ZGRF1: variants seen among roughly 807,000 people sequenced by gnomAD.
The protein encoded by ZGRF1 is 5'-3' DNA helicase ZGRF1.
Under a neutral mutation model 203.5 loss-of-function variants are expected in ZGRF1, and 196 were observed. The observed-to-expected ratio is 0.96, with a 90% confidence interval of 0.86 to 1.08. The LOEUF is 1.08. ZGRF1 is among the 50% of genes least tolerant of loss of function. ZGRF1 has a pLI of 0.00. For synonymous variants in ZGRF1, 809 were observed against 841.3 expected (o/e 0.96, Z 0.66); for missense variants, 2,326 against 2,416.3 (o/e 0.96, Z 0.78).
chr4:112,591,859 A>T (rs908769595), intron 10 of ZGRF1, among the ~76,000 whole-genome samples: 2 of 152,058 alleles, frequency 1.3e-5, no homozygotes, highest in African/African-American at 4.8e-5. Context: ...AGCACTTAAG[A>T]CACTCTGAGG....
intron 10 of ZGRF1, among the ~76,000 whole-genome samples, chr4:112,601,077 T>C (rs866400600): frequency 2.1e-5 from 3 of 145,638 alleles, no homozygotes; most frequent in Admixed American, 7.0e-5. Flanking sequence ...CACTCCAGCC[T>C]GGGCAACAGA....
chr4:112,585,706 C>T lies in ZGRF1; in HGVS notation c.3936G>A (p.Leu1312=). The change falls in exon 14 of 28, where the codon CTG becomes CTA. Residue 1312 remains leucine (L), a synonymous_variant. Coordinates refer to ENST00000505019, the MANE Select transcript of ZGRF1 (RefSeq NM_018392.5). The part of the protein sequence containing the change: ...SCLIEHLNIL[L]FGLAQNLQKA... ...TCTGCAGGTTTTGTGCTAACCCAAA[C>T]AGCAATATATTTAGATGTTCTACAA... The T allele has an allele frequency of 6.7e-7, 1 of 1,484,276 alleles. No individual in the cohort carries two copies. Among genetic ancestry groups the T allele is most frequent in the Admixed American group, 2.2e-5 (1 of 45,428 alleles). 91.9% of individuals were successfully genotyped at this position (1,484,276 alleles called of 1,614,324 possible). A position where few individuals can be genotyped will look rare whatever the true frequency, so the allele number is the denominator to read the frequency against.
intron 10 of ZGRF1, among the ~76,000 whole-genome samples, chr4:112,594,439 T>A (rs1748659924): frequency 6.6e-6 from 1 of 151,896 alleles, no homozygotes; most frequent in African/African-American, 2.4e-5. Flanking sequence ...TTAAGTTTTT[T>A]GTTTTCGGTT....
intron 10 of ZGRF1, among the ~76,000 whole-genome samples, chr4:112,593,900 ACT>A (rs1472205173): frequency 6.6e-6 from 1 of 151,168 alleles, no homozygotes; most frequent in Non-Finnish European, 1.5e-5. Context: ...AGTAGCTGGC[ACT>A]ACAGTTGTGT....
intron 16 of ZGRF1, 72 bp from the exon 17 acceptor site, chr4:112,563,346 A>T (rs1307805875): frequency 1.8e-6 from 2 of 1,115,234 alleles, no homozygotes; most frequent in Admixed American, 4.8e-5. Flanking sequence ...GAAATTATAT[A>T]TATTTGCATA....
intron 20 of ZGRF1, 90 bp from the exon 21 acceptor site, chr4:112,554,872 G>A (rs1478452594): frequency 1.3e-5 from 8 of 627,614 alleles, no homozygotes; most frequent in Non-Finnish European, 1.9e-5. Context: ...CTAATTTTGT[G>A]TAACAGTATA....
chr4:112,616,782 A>G (rs1366280535), intron 6 of ZGRF1, among the ~76,000 whole-genome samples: 5 of 151,618 alleles, frequency 3.3e-5, no homozygotes, highest in Non-Finnish European at 4.4e-5. Flanking sequence ...GGTTGCAGTG[A>G]GCCGAGATCG....
At chr4:112,597,402 T>TA (rs1395464122) in intron 10 of ZGRF1, among the ~76,000 whole-genome samples, 1 of 151,812 alleles carries the variant, frequency 6.6e-6, no homozygotes, top group Non-Finnish European at 1.5e-5. Context: ...TGTGCATCTG[T>TA]AATCCCAGCT....
chr4:112,567,042 C>T (rs1743238123), intron 16 of ZGRF1, among the ~76,000 whole-genome samples: 1 of 152,080 alleles, frequency 6.6e-6, no homozygotes, highest in Admixed American at 6.5e-5. Flanking sequence ...GTCTCCACCT[C>T]ACCTCCAAAC....
intron 10 of ZGRF1, among the ~76,000 whole-genome samples, chr4:112,601,645 G>T (rs553181107): frequency 6.6e-6 from 1 of 152,068 alleles, no homozygotes; most frequent in Non-Finnish European, 1.5e-5. Flanking sequence ...GTCTGAGGCA[G>T]GAGGATTGCT....
chr4:112,570,430 A>T (rs1743992526), intron 16 of ZGRF1, among the ~76,000 whole-genome samples: 1 of 152,012 alleles, frequency 6.6e-6, no homozygotes, highest in Non-Finnish European at 1.5e-5. Context: ...CTCTACTAAA[A>T]ATAGAAAATT....
Position 112,617,509 on chromosome 4 carries a change from A to G in ZGRF1, c.2533T>C (p.Leu845=), listed in dbSNP as rs373007985. ...HSTALDSLEI[L]KKKNTVFQQG... is the part of the protein sequence containing the mutation. ...TGAAAGACAGTATTTTTCTTTTTCAATATTTCCAAGCTGTCTAAAGCAGTA... is the reference window on the plus strand; with the variant it reads ...TGAAAGACAGTATTTTTCTTTTTCAGTATTTCCAAGCTGTCTAAAGCAGTA... The change falls in exon 6 of 28, where the codon TTG becomes CTG. Residue 845 remains leucine (L), a synonymous_variant. Transcript: ENST00000505019. The G allele has an allele frequency of 3.7e-5, 60 of 1,600,388 alleles. No homozygotes were observed. The highest frequency in any genetic ancestry group is 4.3e-5 in the Non-Finnish European group (51 of 1,176,168).
intron 10 of ZGRF1, among the ~76,000 whole-genome samples, chr4:112,592,093 A>ATTT (rs1461328165): frequency 1.4e-5 from 2 of 141,998 alleles, no homozygotes. Flanking sequence ...CCTCTCATTC[A>ATTT]TTCTTTTTTT....
At chr4:112,605,349 C>T (rs936465892) in intron 9 of ZGRF1, among the ~76,000 whole-genome samples, 3 of 152,022 alleles carry the variant, frequency 2.0e-5, no homozygotes, top group African/African-American at 7.2e-5. Flanking sequence ...TTAGTAGAAA[C>T]GGGGTTTTGC....
At chr4:112,631,779 A>T in intron 3 of ZGRF1, 151 bp downstream of exon 3, 1 of 454,688 alleles carries the variant, frequency 2.2e-6, no homozygotes, top group Non-Finnish European at 3.9e-6. Flanking sequence ...CAAATTAACC[A>T]CTGTGATATG....
rs756071453 is a variant in ZGRF1, at chr4:112,585,742, A to AG, written c.3917-18_3917-17insC. ...TTAGATGTTCTACAAAAAAAAAAAAAAGAGAGCAGAAAATTAAATACAAAA... is the reference window on the plus strand; with the variant it reads ...TTAGATGTTCTACAAAAAAAAAAAAAGAGAGAGCAGAAAATTAAATACAAAA... On this transcript the variant is annotated splice_polypyrimidine_tract_variant and intron_variant, in intron 13 of 27. Coordinates refer to ENST00000505019, the MANE Select transcript of ZGRF1 (RefSeq NM_018392.5). 3.4e-5 allele frequency: 51 copies of AG among 1,497,532 alleles called. No homozygotes were observed. In the East Asian group the frequency reaches 6.5e-4, roughly 19 times the overall value. 92.8% of individuals were successfully genotyped at this position (1,497,532 alleles called of 1,614,324 possible). A position where few individuals can be genotyped will look rare whatever the true frequency, so the allele number is the denominator to read the frequency against.
chr4:112,553,037 T>G (rs1740248708), intron 22 of ZGRF1, among the ~76,000 whole-genome samples: 1 of 152,256 alleles, frequency 6.6e-6, no homozygotes, highest in Non-Finnish European at 1.5e-5. Flanking sequence ...AGCTGTTGTC[T>G]TAAAGTACTG....
intron 16 of ZGRF1, among the ~76,000 whole-genome samples, chr4:112,576,245 C>T (rs1328634493): frequency 6.6e-6 from 1 of 152,178 alleles, no homozygotes; most frequent in Admixed American, 6.5e-5. Context: ...AATTAACAAA[C>T]AGAAAGGACA....
chr4:112,615,821 G>A (rs2046848410), intron 6 of ZGRF1, among the ~76,000 whole-genome samples: 1 of 151,142 alleles, frequency 6.6e-6, no homozygotes, highest in Non-Finnish European at 1.5e-5. Context: ...TTTTAGTAGA[G>A]ACAGGGTTTC....
Sources: gnomAD v4.1 joint callset for allele counts (sites outside exome capture counted in the v4.1 genomes callset) on GRCh38, gnomAD v4.1.1 for gene constraint, MANE v1.5 for transcripts, NCBI Gene and HGNC (gene_info 2026-07-23, HGNC 2026-07-21) for gene names.